The following GPC6 variants were observed in gnomAD, a reference collection of about 807,000 sequenced individuals.
GPC6 encodes glypican-6.
In GPC6, 14 loss-of-function variants were observed where a neutral mutation model predicts 55.2. That is an observed-to-expected ratio of 0.25 (90% CI 0.17 to 0.40). The LOEUF (loss-of-function observed/expected upper bound fraction) is 0.40, where lower values mean the gene tolerates loss of function less well. Ranked by LOEUF, GPC6 falls within the 10% of genes least tolerant of loss-of-function variation. The pLI, the probability that GPC6 is intolerant of heterozygous loss-of-function variation, is 1.00. For synonymous variants in GPC6, 278 were observed against 259.6 expected (o/e 1.07, Z -0.68); for missense variants, 641 against 708.5 (o/e 0.90, Z 1.08).
rs565337513 is a variant in GPC6 at position 94,391,334 on chromosome 13, A to G, written c.1290-7132A>G. On this transcript the variant is annotated intron_variant, in intron 7 of 8. Coordinates refer to ENST00000377047, the MANE Select transcript of GPC6 (RefSeq NM_005708.5). ...CTACATTAAAATTGCATAATTATAT[A>G]AAGTAGCTAAATGACTTGTCCATGG... 2.6e-5 allele frequency among the ~76,000 whole-genome samples: 4 copies of G among 152,316 alleles called. No individual in the cohort carries two copies. The South Asian group carries it at 8.3e-4, about 32-fold the overall frequency.
At chr13:93,891,078 A>C (rs572243658) in intron 3 of GPC6, among the ~76,000 whole-genome samples, 7 of 152,164 alleles carry the variant, frequency 4.6e-5, no homozygotes, top group Non-Finnish European at 8.8e-5. Flanking sequence ...TTAAAACATA[A>C]AAATGATATT....
At chr13:94,258,786 CATTG>C in intron 4 of GPC6, among the ~76,000 whole-genome samples, 1 of 152,258 alleles carries the variant, frequency 6.6e-6, no homozygotes, top group African/African-American at 2.4e-5. Context: ...ATGATATTAA[CATTG>C]ATTATTTCTG....
chr13:93,248,914 T>C (rs1255200214), intron 1 of GPC6, among the ~76,000 whole-genome samples: 1 of 152,208 alleles, frequency 6.6e-6, no homozygotes, highest in Non-Finnish European at 1.5e-5. Flanking sequence ...ATTCGAGGCC[T>C]GTTACCTTAA....
intron 1 of GPC6, among the ~76,000 whole-genome samples, chr13:93,464,535 C>CTCATTTGT (rs1286737055): frequency 1.3e-5 from 2 of 152,180 alleles, no homozygotes; most frequent in Non-Finnish European, 2.9e-5. Flanking sequence ...GAAGCAACTC[C>CTCATTTGT]TCATTTGTTT....
At chr13:93,925,159 A>G (rs189913401) in intron 3 of GPC6, among the ~76,000 whole-genome samples, 4 of 152,300 alleles carry the variant, frequency 2.6e-5, no homozygotes, top group Admixed American at 2.6e-4. Context: ...CCCACATTTT[A>G]TAAGGGCAGG....
At chr13:93,752,131 C>T (rs80254997) in intron 2 of GPC6, among the ~76,000 whole-genome samples, 1,839 of 152,040 alleles carry the variant, frequency 0.012, 37 homozygotes, top group African/African-American at 0.041. Flanking sequence ...AAGTTGGTTC[C>T]GAGTAAGTAG....
chr13:93,285,630 G>GTGTA (rs1878090043), intron 1 of GPC6, among the ~76,000 whole-genome samples: 1 of 140,444 alleles, frequency 7.1e-6, no homozygotes, highest in African/African-American at 2.7e-5. Flanking sequence ...GTGTGTGTGT[G>GTGTA]TGTGTGTGTG....
intron 2 of GPC6, among the ~76,000 whole-genome samples, chr13:93,808,607 A>G (rs1010502895): frequency 6.6e-6 from 1 of 152,226 alleles, no homozygotes; most frequent in African/African-American, 2.4e-5. Context: ...CCACTGTGAC[A>G]GACTTTGAAC....
intron 4 of GPC6, among the ~76,000 whole-genome samples, chr13:94,285,516 C>A (rs1475287543): frequency 6.6e-6 from 1 of 152,134 alleles, no homozygotes; most frequent in Admixed American, 6.5e-5. Context: ...GTTTTAATTT[C>A]AACAAGAAGA....
chr13:93,291,646 T>C (rs1022161005), intron 1 of GPC6, among the ~76,000 whole-genome samples: 3 of 152,194 alleles, frequency 2.0e-5, no homozygotes, highest in Admixed American at 1.3e-4. Flanking sequence ...CATTTGCATT[T>C]TACCAGGTCT....
intron 2 of GPC6, among the ~76,000 whole-genome samples, chr13:93,770,394 C>T (rs1329920528): frequency 1.3e-5 from 2 of 152,030 alleles, no homozygotes; most frequent in Non-Finnish European, 2.9e-5. Context: ...TCTTGGCTTC[C>T]TGGAATACTA....
intron 4 of GPC6, among the ~76,000 whole-genome samples, chr13:94,168,217 G>A (rs753253979): frequency 1.8e-4 from 28 of 152,150 alleles, no homozygotes; most frequent in Middle Eastern, 3.2e-3. Flanking sequence ...CTATGACAAC[G>A]TCATTCTTGC....
At chr13:93,747,355 AAAG>A (rs1884430723) in intron 2 of GPC6, among the ~76,000 whole-genome samples, 1 of 152,124 alleles carries the variant, frequency 6.6e-6, no homozygotes, top group African/African-American at 2.4e-5. Flanking sequence ...TAAATAATGA[AAAG>A]AAGAGACTGT....
chr13:93,805,251 A>G (rs984234202), intron 2 of GPC6, among the ~76,000 whole-genome samples: 1 of 152,202 alleles, frequency 6.6e-6, no homozygotes, highest in African/African-American at 2.4e-5. Context: ...TTAAATCTAT[A>G]CTTATAGTTA....
chr13:94,012,797 A>G (rs939270101), intron 3 of GPC6, among the ~76,000 whole-genome samples: 9 of 152,200 alleles, frequency 5.9e-5, no homozygotes, highest in Admixed American at 5.2e-4. Context: ...GATCCATTAT[A>G]AGTATGTAAA....
chr13:94,161,779 T>A (rs1333248), intron 4 of GPC6, among the ~76,000 whole-genome samples: 30,197 of 152,076 alleles, frequency 0.2, 3,213 homozygotes, highest in South Asian at 0.29. Flanking sequence ...ATTAGTCCAT[T>A]TTCACACTGC....
At chr13:94,341,460 C>T (rs995906924) in intron 6 of GPC6, among the ~76,000 whole-genome samples, 21 of 151,938 alleles carry the variant, frequency 1.4e-4, no homozygotes, top group African/African-American at 4.8e-4. Context: ...GTGGCGTGCA[C>T]CTGTAATCCC....
intron 2 of GPC6, among the ~76,000 whole-genome samples, chr13:93,786,854 T>C (rs554027609): frequency 6.6e-6 from 1 of 152,318 alleles, no homozygotes; most frequent in African/African-American, 2.4e-5. Flanking sequence ...AGTCTTTGCA[T>C]TTAGAAAAAT....
At chr13:94,296,748 A>G (rs1875354993) in intron 5 of GPC6, among the ~76,000 whole-genome samples, 1 of 152,212 alleles carries the variant, frequency 6.6e-6, no homozygotes, top group Admixed American at 6.5e-5. Context: ...TCCCTCGTGC[A>G]TATTTCAAAC....
Sources: gnomAD v4.1 joint callset for allele counts (sites outside exome capture counted in the v4.1 genomes callset) on GRCh38, gnomAD v4.1.1 for gene constraint, MANE v1.5 for transcripts, NCBI Gene and HGNC (gene_info 2026-07-23, HGNC 2026-07-21) for gene names.